The following B4GALT4 variants were observed in gnomAD, a reference collection of about 807,000 sequenced individuals.
B4GALT4 encodes beta-1,4-galactosyltransferase 4.
A neutral mutation model predicts 37.3 loss-of-function variants in B4GALT4; 27 were observed. The ratio of observed to expected loss-of-function variants is 0.72; its 90% confidence interval spans 0.53 to 1.00. The LOEUF (loss-of-function observed/expected upper bound fraction) is 1.00. Among genes scored for constraint, B4GALT4 ranks in the 50% least tolerant of loss-of-function variants. The pLI, the probability that B4GALT4 is intolerant of heterozygous loss-of-function variation, is 0.00. For missense variants in B4GALT4, 372 were observed against 413.1 expected, an observed-to-expected ratio of 0.90 and a Z score of 0.86; for synonymous variants, 148 against 154.1, an observed-to-expected ratio of 0.96 and a Z score of 0.29.
chr3:119,220,790 C>T lies in B4GALT4; in HGVS notation c.675-2018G>A, dbSNP rs190868408. 7.6e-4 allele frequency among the ~76,000 whole-genome samples: 115 copies of T among 152,232 alleles called. 1 individual carries two copies. Among genetic ancestry groups the T allele is most frequent in the African/African-American group, 1.9e-3 (77 of 41,544 alleles). ...TCAAGAGGTCAGGAGATCGAGACCA[C>T]CCTGGCTAACACTGCGAAACCCCGT... On this transcript the variant is annotated intron_variant, in intron 5 of 7. Transcript: ENST00000393765.
intron 1 of B4GALT4, 49 bp downstream of exon 1, chr3:119,240,801 T>A (rs1393283401): frequency 6.6e-6 from 1 of 152,250 alleles, no homozygotes; most frequent in Non-Finnish European, 1.5e-5. Context: ...ACGGCGCCCG[T>A]GTCCAGGGAA....
Position 119,218,648 on chromosome 3 carries a change from A to C in B4GALT4, c.797+2T>G. On this transcript the variant is annotated splice_donor_variant, in intron 6 of 7. Coordinates refer to ENST00000393765, the MANE Select transcript of B4GALT4 (RefSeq NM_003778.4). LOFTEE classifies it high-confidence loss of function. ...TGAAGGGGACCTTTCTCTGTTGTTC[A>C]CCTGAGTCTGAGGTCATCGTCTTCG... 1 of 1,614,172 alleles carries C rather than the reference A, an allele frequency of 6.2e-7. No homozygotes were observed. The highest frequency in any genetic ancestry group is 2.2e-5 in the East Asian group (1 of 44,876).
chr3:119,234,542 T>C (rs1052756882), intron 2 of B4GALT4, among the ~76,000 whole-genome samples: 4 of 152,258 alleles, frequency 2.6e-5, no homozygotes, highest in Non-Finnish European at 5.9e-5. Flanking sequence ...TCTAACTCTG[T>C]AATTTCCATT....
chr3:119,214,755 A>G (rs1222135787), intron 7 of B4GALT4: 1 of 152,228 alleles, frequency 6.6e-6, no homozygotes, highest in East Asian at 1.9e-4. Context: ...AATCTAATAA[A>G]TGCAGAAGGA....
intron 7 of B4GALT4, 28 bp from the exon 8 acceptor site, chr3:119,212,709 G>A (rs1172882064): frequency 6.4e-7 from 1 of 1,563,070 alleles, no homozygotes; most frequent in East Asian, 2.3e-5. Flanking sequence ...AAATGTGAAT[G>A]ATAAGAATTT....
intron 5 of B4GALT4, among the ~76,000 whole-genome samples, chr3:119,220,951 A>G (rs1209915861): frequency 1.3e-5 from 2 of 150,050 alleles, no homozygotes; most frequent in East Asian, 2.0e-4. Flanking sequence ...GCACCGCTGC[A>G]CTCCAGCCTG....
chr3:119,219,197 CTTT>C (rs1294053167), intron 5 of B4GALT4, among the ~76,000 whole-genome samples: 2 of 152,030 alleles, frequency 1.3e-5, no homozygotes, highest in Admixed American at 1.3e-4. Flanking sequence ...ATATACCTTT[CTTT>C]TTTTTCACTT....
At chr3:119,216,414 A>T in intron 6 of B4GALT4, 70 bp from the exon 7 acceptor site, 3 of 1,128,384 alleles carry the variant, frequency 2.7e-6, no homozygotes, top group Admixed American at 4.4e-5. Flanking sequence ...AAAAAGCATC[A>T]TTTGCGAAAA....
chr3:119,235,230 A>AT (rs1419906919), intron 2 of B4GALT4: 2 of 152,240 alleles, frequency 1.3e-5, no homozygotes, highest in Non-Finnish European at 1.5e-5. Context: ...AAGATAAGCT[A>AT]TAACAAAAGG....
intron 1 of B4GALT4, among the ~76,000 whole-genome samples, chr3:119,239,132 C>A (rs541527447): frequency 6.6e-6 from 1 of 152,182 alleles, no homozygotes; most frequent in African/African-American, 2.4e-5. Context: ...TCCAGACCAG[C>A]CTGGACAACA....
chr3:119,239,231 T>C (rs1576952334), intron 1 of B4GALT4, among the ~76,000 whole-genome samples: 1 of 148,480 alleles, frequency 6.7e-6, no homozygotes, highest in Admixed American at 6.8e-5. Context: ...GAGGCTGAGG[T>C]AGGAGAATTG....
chr3:119,237,968 A>G (rs986525794), intron 1 of B4GALT4, among the ~76,000 whole-genome samples: 7 of 152,216 alleles, frequency 4.6e-5, no homozygotes, highest in Non-Finnish European at 8.8e-5. Context: ...AAGATATAAC[A>G]ATGTATATGA....
chr3:119,223,705 G>C (rs557480220), intron 5 of B4GALT4, among the ~76,000 whole-genome samples: 2 of 152,114 alleles, frequency 1.3e-5, no homozygotes, highest in Non-Finnish European at 1.5e-5. Context: ...TTGCCTCCTA[G>C]AGGGGGAGTC....
At chr3:119,220,162 GC>G (rs2078407919) in intron 5 of B4GALT4, among the ~76,000 whole-genome samples, 1 of 152,274 alleles carries the variant, frequency 6.6e-6, no homozygotes, top group African/African-American at 2.4e-5. Context: ...TATTTTTGCA[GC>G]CTATAATAAA....
In B4GALT4 at chr3:119,212,172, A is replaced by C; in HGVS notation, c.*377T>G. 2 of 703,078 alleles carry C rather than the reference A, an allele frequency of 2.8e-6. No homozygotes were observed. Among genetic ancestry groups the C allele is most frequent in the South Asian group, 3.0e-5 (2 of 67,602 alleles). 43.6% of individuals were successfully genotyped at this position (703,078 alleles called of 1,614,324 possible). On this transcript the variant is annotated 3_prime_UTR_variant, in exon 8 of 8. Coordinates refer to ENST00000393765, the MANE Select transcript of B4GALT4 (RefSeq NM_003778.4). ...GGACGAGAACAACTCTGGTTCTCTC[A>C]GACATTCAGCAGTCTTATTTCCTGT... is the stretch of plus-strand genomic sequence containing the variant.
chr3:119,218,590 G>A (rs2078356896), intron 6 of B4GALT4, 60 bp downstream of exon 6: 3 of 1,604,760 alleles, frequency 1.9e-6, no homozygotes, highest in East Asian at 4.5e-5. Context: ...TATAAATGCA[G>A]GTCTCCAGAG....
At chr3:119,217,495 C>A (rs6438506) in intron 6 of B4GALT4, among the ~76,000 whole-genome samples, 14,545 of 151,992 alleles carry the variant, frequency 0.096, 1,378 homozygotes, top group African/African-American at 0.24. Context: ...GATGAGGCAA[C>A]AAAAAAATTT....
intron 4 of B4GALT4, among the ~76,000 whole-genome samples, chr3:119,224,701 T>C (rs908581051): frequency 2.0e-5 from 3 of 152,228 alleles, no homozygotes; most frequent in African/African-American, 7.2e-5. Flanking sequence ...ATGGTAAATT[T>C]TACATCGTGT....
intron 6 of B4GALT4, among the ~76,000 whole-genome samples, chr3:119,216,672 C>G (rs1357894738): frequency 6.6e-6 from 1 of 152,106 alleles, no homozygotes; most frequent in African/African-American, 2.4e-5. Flanking sequence ...GTACTTATTT[C>G]AAAACATCCT....
Sources: gnomAD v4.1 joint callset for allele counts (sites outside exome capture counted in the v4.1 genomes callset) on GRCh38, gnomAD v4.1.1 for gene constraint, MANE v1.5 for transcripts, NCBI Gene and HGNC (gene_info 2026-07-23, HGNC 2026-07-21) for gene names.